Variants in PTPN4 observed in about 807,000 individuals in gnomAD.
The protein encoded by PTPN4 is tyrosine-protein phosphatase non-receptor type 4.
In PTPN4, 49 loss-of-function variants were observed where a neutral mutation model predicts 135.5. The ratio of observed to expected loss-of-function variants is 0.36; its 90% confidence interval spans 0.29 to 0.46. PTPN4 has a LOEUF of 0.46. Ranked by LOEUF, PTPN4 falls within the 20% of genes least tolerant of loss-of-function variation. The pLI, the probability that PTPN4 is intolerant of heterozygous loss-of-function variation, is 1.00. For missense variants in PTPN4, 860 were observed against 1,101.0 expected, an observed-to-expected ratio of 0.78 and a Z score of 3.10; for synonymous variants, 333 against 369.9, an observed-to-expected ratio of 0.90 and a Z score of 1.14.
chr2:119,945,208 T>G lies in PTPN4; in HGVS notation c.1483T>G (p.Phe495Val), dbSNP rs368643655. 7 of 1,590,626 alleles carry G rather than the reference T, an allele frequency of 4.4e-6. No homozygotes were observed. The highest frequency in any genetic ancestry group is 6.0e-6 in the Non-Finnish European group (7 of 1,170,388). ...QDLESHINETFDIPSSPEKPT... is the reference protein window; with the variant it reads ...QDLESHINETVDIPSSPEKPT... ...TCTAGAAAGTCATATTAATGAAACA[T>G]TTGATATTCCATCTTCTCCTGAAAA... Residue 495 changes from phenylalanine (F) to valine (V), a missense_variant, in exon 16 of 27, where the codon TTT (phenylalanine) becomes GTT (valine). Around this residue, in one of 2 missense-constraint regions of PTPN4, gnomAD observed 684 missense variants for 807.0 expected, o/e 0.85. Coordinates refer to ENST00000263708, the MANE Select transcript of PTPN4 (RefSeq NM_002830.4).
chr2:119,814,972 A>G (rs1204111173), intron 2 of PTPN4, among the ~76,000 whole-genome samples: 5 of 152,172 alleles, frequency 3.3e-5, no homozygotes, highest in Non-Finnish European at 7.3e-5. Context: ...CATATTAAAC[A>G]CTAGAAAATT....
At chr2:119,788,533 A>G (rs913021034) in intron 1 of PTPN4, among the ~76,000 whole-genome samples, 7 of 152,198 alleles carry the variant, frequency 4.6e-5, no homozygotes, top group South Asian at 2.1e-4. Flanking sequence ...CTGTGGAGCC[A>G]TCACCACCAT....
intron 10 of PTPN4, among the ~76,000 whole-genome samples, chr2:119,904,149 A>G (rs1678450079): frequency 6.6e-6 from 1 of 152,196 alleles, no homozygotes; most frequent in Non-Finnish European, 1.5e-5. Context: ...GCAATGATAT[A>G]TGACAGCTTG....
intron 3 of PTPN4, among the ~76,000 whole-genome samples, chr2:119,864,662 A>G (rs1677806884): frequency 6.6e-6 from 1 of 152,162 alleles, no homozygotes; most frequent in South Asian, 2.1e-4. Flanking sequence ...GAGATCATGT[A>G]TACTACAAGA....
intron 1 of PTPN4, among the ~76,000 whole-genome samples, chr2:119,785,732 C>T (rs1459247541): frequency 2.0e-5 from 3 of 146,548 alleles, no homozygotes; most frequent in Non-Finnish European, 4.4e-5. Context: ...GCCGTGTTTG[C>T]TTTGTGTGTG....
chr2:119,875,010 A>G (rs555761520), intron 3 of PTPN4, among the ~76,000 whole-genome samples: 25 of 152,312 alleles, frequency 1.6e-4, no homozygotes, highest in African/African-American at 5.8e-4. Context: ...TTCTCTAATT[A>G]TGATCAAGAT....
At chr2:119,939,809 C>T (rs1679036221) in intron 15 of PTPN4, among the ~76,000 whole-genome samples, 1 of 152,140 alleles carries the variant, frequency 6.6e-6, no homozygotes, top group Admixed American at 6.5e-5. Context: ...ATTCCTATTC[C>T]AGTCTTGATC....
chr2:119,857,967 C>A (rs1292188634), intron 2 of PTPN4, among the ~76,000 whole-genome samples: 1 of 152,280 alleles, frequency 6.6e-6, no homozygotes, highest in African/African-American at 2.4e-5. Context: ...TGTGACCAAG[C>A]CCTTGGTGAT....
intron 26 of PTPN4, among the ~76,000 whole-genome samples, chr2:119,975,188 C>T (rs1458304835): frequency 1.3e-5 from 2 of 152,148 alleles, no homozygotes; most frequent in Non-Finnish European, 1.5e-5. Flanking sequence ...CACCACTCAT[C>T]GCAGCCTCAA....
intron 26 of PTPN4, among the ~76,000 whole-genome samples, chr2:119,975,967 A>ATTTAT (rs1034271150): frequency 1.3e-5 from 2 of 148,280 alleles, no homozygotes; most frequent in Non-Finnish European, 3.0e-5. Context: ...AACTATTTTT[A>ATTTAT]TTTATTTTAT....
chr2:119,922,147 A>T (rs1401624848), intron 12 of PTPN4, among the ~76,000 whole-genome samples: 1 of 151,790 alleles, frequency 6.6e-6, no homozygotes, highest in Admixed American at 6.6e-5. Context: ...TTTGGGAGGA[A>T]ATCATCACTG....
Position 119,763,977 on chromosome 2 carries a change from G to C in PTPN4, c.-18+3593G>C, listed in dbSNP as rs1222338968. ...CAGTCTAATCTGGTGTGAAAATGAA[G>C]GGGTCGCCACTAAGAGATTATCTCC... On this transcript the variant is annotated intron_variant, in intron 1 of 26. Coordinates refer to ENST00000263708, the MANE Select transcript of PTPN4 (RefSeq NM_002830.4). Among the ~76,000 whole-genome samples, 3 of 152,140 alleles carry C rather than the reference G, an allele frequency of 2.0e-5. No individual in the cohort carries two copies. In the East Asian group the frequency reaches 5.8e-4, roughly 29 times the overall value.
chr2:119,943,580 C>CATTTTTTTTT (rs1679089704), intron 15 of PTPN4, among the ~76,000 whole-genome samples: 1 of 79,916 alleles, frequency 1.3e-5, no homozygotes, highest in African/African-American at 5.0e-5. Context: ...TCATTTTTTT[C>CATTTTTTTTT]TTTTTTTTTT....
At chr2:119,949,235 A>G (rs1292338549) in intron 18 of PTPN4, among the ~76,000 whole-genome samples, 1 of 152,220 alleles carries the variant, frequency 6.6e-6, no homozygotes, top group African/African-American at 2.4e-5. Context: ...AAATTAAAAC[A>G]TAGTCATTCT....
intron 15 of PTPN4, among the ~76,000 whole-genome samples, chr2:119,935,805 CAT>C (rs1462406007): frequency 2.6e-5 from 4 of 152,088 alleles, no homozygotes; most frequent in South Asian, 4.2e-4. Flanking sequence ...TAATTAAGGA[CAT>C]GATTGAAATA....
intron 3 of PTPN4, among the ~76,000 whole-genome samples, chr2:119,875,971 G>T (rs1302789252): frequency 2.0e-5 from 3 of 152,160 alleles, no homozygotes; most frequent in Non-Finnish European, 4.4e-5. Flanking sequence ...TCAGTTGAAG[G>T]CCTTTCTGAG....
chr2:119,844,547 G>A lies in PTPN4; in HGVS notation c.139-17989G>A, dbSNP rs1677453808. Among the ~76,000 whole-genome samples the A allele has an allele frequency of 2.0e-5, 3 of 148,744 alleles. 1 individual carries two copies. The South Asian group carries it at 6.5e-4, about 32-fold the overall frequency. Reference sequence around the variant, plus strand: ...CCTCACTTCTCAGACGGGGCGGCCGGGCAGAGACGCTCCTCACCTCCCAGA... The same window carrying A: ...CCTCACTTCTCAGACGGGGCGGCCGAGCAGAGACGCTCCTCACCTCCCAGA... On this transcript the variant is annotated intron_variant, in intron 2 of 26. Coordinates refer to ENST00000263708, the MANE Select transcript of PTPN4 (RefSeq NM_002830.4).
intron 1 of PTPN4, among the ~76,000 whole-genome samples, chr2:119,808,478 T>C (rs1170867961): frequency 1.3e-5 from 2 of 152,154 alleles, no homozygotes; most frequent in Non-Finnish European, 2.9e-5. Flanking sequence ...TCACAATTGC[T>C]ACAAAGAGAA....
At chr2:119,809,707 GGT>G in intron 1 of PTPN4, 128 bp from the exon 2 acceptor site, 1 of 753,632 alleles carries the variant, frequency 1.3e-6, no homozygotes, top group East Asian at 2.8e-5. Flanking sequence ...TTCTTATTCT[GGT>G]GTTTCAAAAT....
Sources: gnomAD v4.1 joint callset for allele counts (sites outside exome capture counted in the v4.1 genomes callset) on GRCh38, gnomAD v4.1.1 for gene constraint, gnomAD v4.1.1 regional missense constraint, MANE v1.5 for transcripts, NCBI Gene and HGNC (gene_info 2026-07-23, HGNC 2026-07-21) for gene names.